LRRC4C: variants seen among roughly 807,000 people sequenced by gnomAD.
LRRC4C encodes the protein leucine-rich repeat-containing protein 4C.
Under a neutral mutation model 33.6 loss-of-function variants are expected in LRRC4C, and 5 were observed. That is an observed-to-expected ratio of 0.15 (90% CI 0.08 to 0.31). LRRC4C has a LOEUF of 0.31. LRRC4C is among the 10% of genes least tolerant of loss of function. The pLI, the probability that LRRC4C is intolerant of heterozygous loss-of-function variation, is 1.00. For synonymous variants in LRRC4C, 329 were observed against 302.0 expected, an observed-to-expected ratio of 1.09 and a Z score of -0.93; for missense variants, 560 against 796.7, an observed-to-expected ratio of 0.70 and a Z score of 3.58.
intron 2 of LRRC4C, among the ~76,000 whole-genome samples, chr11:40,762,578 C>T (rs1175963876): frequency 2.0e-5 from 3 of 152,076 alleles, no homozygotes; most frequent in African/African-American, 7.2e-5. Context: ...GTCTGTTCCC[C>T]TGTCATAGTA....
chr11:40,563,244 C>T (rs1314706784), intron 3 of LRRC4C, among the ~76,000 whole-genome samples: 21 of 152,172 alleles, frequency 1.4e-4, no homozygotes, highest in Non-Finnish European at 1.5e-5. Context: ...TCATCACTCA[C>T]TGCCCAGCTG....
intron 1 of LRRC4C, among the ~76,000 whole-genome samples, chr11:41,018,810 CCTAAG>C (rs1590253866): frequency 6.6e-6 from 1 of 151,996 alleles, no homozygotes; most frequent in African/African-American, 2.4e-5. Flanking sequence ...TTGTTGCCAC[CCTAAG>C]CTAAGTAGCA....
intron 1 of LRRC4C, among the ~76,000 whole-genome samples, chr11:41,151,656 A>G (rs753554038): frequency 1.1e-4 from 17 of 152,186 alleles, no homozygotes; most frequent in Non-Finnish European, 2.2e-4. Context: ...ATTCAAACCC[A>G]TGTCCCTCTG....
chr11:41,321,284 T>G (rs1213576331), intron 1 of LRRC4C, among the ~76,000 whole-genome samples: 1 of 152,124 alleles, frequency 6.6e-6, no homozygotes, highest in African/African-American at 2.4e-5. Context: ...GGGGGTCATC[T>G]TAGAATTTTG....
chr11:41,172,510 T>A (rs1425187385), intron 1 of LRRC4C, among the ~76,000 whole-genome samples: 1 of 152,146 alleles, frequency 6.6e-6, no homozygotes, highest in Non-Finnish European at 1.5e-5. Flanking sequence ...ACTCAGTGCC[T>A]AGCACATCTA....
intron 1 of LRRC4C, among the ~76,000 whole-genome samples, chr11:41,134,477 C>T (rs1943166233): frequency 6.6e-6 from 1 of 152,152 alleles, no homozygotes; most frequent in Non-Finnish European, 1.5e-5. Context: ...TAGGAATCTC[C>T]TCATTGTATG....
intron 1 of LRRC4C, among the ~76,000 whole-genome samples, chr11:41,324,390 A>G (rs533068569): frequency 6.6e-6 from 1 of 152,314 alleles, no homozygotes; most frequent in South Asian, 2.1e-4. Flanking sequence ...AGATCATGCC[A>G]TTGCACTCCA....
intron 2 of LRRC4C, among the ~76,000 whole-genome samples, chr11:40,921,585 A>G (rs1001214333): frequency 2.6e-5 from 4 of 152,208 alleles, no homozygotes; most frequent in South Asian, 2.1e-4. Flanking sequence ...AGACAGGATT[A>G]TAAGATAATC....
chr11:40,924,335 G>A (rs1957324821), intron 2 of LRRC4C, among the ~76,000 whole-genome samples: 1 of 151,962 alleles, frequency 6.6e-6, no homozygotes, highest in East Asian at 1.9e-4. Context: ...ATTGAAACCT[G>A]ATAGGCCTTA....
chr11:40,999,225 C>G (rs1244770258), intron 1 of LRRC4C, among the ~76,000 whole-genome samples: 6 of 152,082 alleles, frequency 3.9e-5, no homozygotes, highest in Non-Finnish European at 8.8e-5. Context: ...GTTTGCTGAA[C>G]AGGATTCCCT....
rs1450458512 is a variant in LRRC4C, at chr11:41,279,371, CACACACACAA to C, written c.-496+180050_-496+180059del. The stretch of plus-strand genomic sequence containing the variant: ...ATCTCTCATTCCATCCCATCACATA[CACACACACAA>C]ACACACACACACACACACACACACA... On this transcript the variant is annotated intron_variant, in intron 1 of 6. Transcript: ENST00000528697. Among the ~76,000 whole-genome samples the C allele has an allele frequency of 3.5e-3, 462 of 131,048 alleles. 5 individuals are homozygous for C. Among genetic ancestry groups the C allele is most frequent in the African/African-American group, 0.014 (431 of 30,686 alleles). The allele number at this position is 131,048 out of a possible 152,430, so 86.0% of individuals were successfully genotyped here. A position where few individuals can be genotyped will look rare whatever the true frequency, so the allele number is the denominator to read the frequency against.
chr11:41,357,795 A>G (rs887186326), intron 1 of LRRC4C, among the ~76,000 whole-genome samples: 2 of 152,138 alleles, frequency 1.3e-5, no homozygotes, highest in African/African-American at 4.8e-5. Context: ...ATAAAGAGAG[A>G]GAATGGGAAG....
chr11:40,985,781 G>A (rs1852943702), intron 1 of LRRC4C, among the ~76,000 whole-genome samples: 1 of 564 alleles, frequency 1.8e-3, no homozygotes, highest in African/African-American at 1.8e-3. Flanking sequence ...GTGAGCCACC[G>A]CGCCCGGCCT....
intron 3 of LRRC4C, among the ~76,000 whole-genome samples, chr11:40,405,330 A>G (rs1949921345): frequency 6.6e-6 from 1 of 151,918 alleles, no homozygotes; most frequent in Non-Finnish European, 1.5e-5. Context: ...TGGTCATGTG[A>G]TCAGGTTATC....
At chr11:40,255,755 A>G (rs1028880925) in intron 4 of LRRC4C, among the ~76,000 whole-genome samples, 1 of 152,214 alleles carries the variant, frequency 6.6e-6, no homozygotes, top group African/African-American at 2.4e-5. Context: ...GCACTTGATG[A>G]AGAAGAATCA....
intron 2 of LRRC4C, among the ~76,000 whole-genome samples, chr11:40,798,633 G>A (rs1383381121): frequency 6.1e-5 from 9 of 147,838 alleles, no homozygotes; most frequent in Admixed American, 6.0e-4. Flanking sequence ...TTCTTTTTAA[G>A]TTTCTTTCTT....
At chr11:40,627,316 A>T (rs1383415075) in intron 3 of LRRC4C, among the ~76,000 whole-genome samples, 1 of 152,098 alleles carries the variant, frequency 6.6e-6, no homozygotes, top group East Asian at 1.9e-4. Context: ...ATCATTAATT[A>T]AATGAGGCAG....
intron 2 of LRRC4C, among the ~76,000 whole-genome samples, chr11:40,838,776 A>G (rs932545965): frequency 6.6e-6 from 1 of 151,912 alleles, no homozygotes; most frequent in African/African-American, 2.4e-5. Context: ...TTGACCTTGG[A>G]AAGGTAGTAA....
chr11:40,882,278 T>C (rs908413377), intron 2 of LRRC4C, among the ~76,000 whole-genome samples: 1 of 151,982 alleles, frequency 6.6e-6, no homozygotes, highest in African/African-American at 2.4e-5. Flanking sequence ...TCCCTATGGA[T>C]ACAGTGATCA....
Sources: allele counts gnomAD v4.1 joint callset (sites outside exome capture counted in the v4.1 genomes callset), GRCh38; gene constraint gnomAD v4.1.1; transcripts MANE v1.5; gene names NCBI Gene and HGNC (gene_info 2026-07-23, HGNC 2026-07-21).